The following RABGAP1L variants were observed in gnomAD, a reference collection of about 807,000 sequenced individuals.
The protein encoded by RABGAP1L is RAB GTPase activating protein 1 like, also known as rab GTPase-activating protein 1-like.
Under a neutral mutation model 137.7 loss-of-function variants are expected in RABGAP1L, and 63 were observed. The observed-to-expected ratio is 0.46, with a 90% CI of 0.37 to 0.56. The LOEUF is 0.56. Ranked by LOEUF, RABGAP1L falls within the 20% of genes least tolerant of loss-of-function variation. RABGAP1L has a pLI of 0.00. For synonymous variants in RABGAP1L, 431 were observed against 433.7 expected (o/e 0.99, Z 0.08); for missense variants, 1,095 against 1,244.0 (o/e 0.88, Z 1.80).
intron 13 of RABGAP1L, among the ~76,000 whole-genome samples, chr1:174,461,567 A>G (rs1394078951): frequency 1.3e-5 from 2 of 152,154 alleles, no homozygotes; most frequent in Non-Finnish European, 2.9e-5. Flanking sequence ...TGCTCTCTGT[A>G]TAGTAAGTCA....
chr1:174,543,541 T>C (rs907148100), intron 13 of RABGAP1L, among the ~76,000 whole-genome samples: 19 of 152,240 alleles, frequency 1.2e-4, no homozygotes, highest in Non-Finnish European at 2.9e-5. Flanking sequence ...TTCTTGACTC[T>C]TTATCCAATT....
chr1:174,341,997 A>C (rs7549724), intron 11 of RABGAP1L, among the ~76,000 whole-genome samples: 11,124 of 152,210 alleles, frequency 0.073, 600 homozygotes, highest in East Asian at 0.32. Flanking sequence ...TTTCATAGAA[A>C]TTTGACTTAA....
At chr1:174,431,060 A>G (rs1652575011) in intron 13 of RABGAP1L, among the ~76,000 whole-genome samples, 1 of 152,166 alleles carries the variant, frequency 6.6e-6, no homozygotes, top group African/African-American at 2.4e-5. Context: ...CTTTTATAAG[A>G]GAAAATTTTC....
chr1:174,723,913 T>C (rs974370404), intron 17 of RABGAP1L, among the ~76,000 whole-genome samples: 1 of 152,210 alleles, frequency 6.6e-6, no homozygotes, highest in Non-Finnish European at 1.5e-5. Flanking sequence ...ATGGTGAAAT[T>C]GATGTTTGAG....
At chr1:174,499,615 G>A (rs1221346842) in intron 13 of RABGAP1L, among the ~76,000 whole-genome samples, 6 of 152,154 alleles carry the variant, frequency 3.9e-5, no homozygotes, top group Non-Finnish European at 8.8e-5. Context: ...ACCATTCCGA[G>A]CCTCAGTTTC....
intron 8 of RABGAP1L, among the ~76,000 whole-genome samples, chr1:174,274,392 C>G (rs1674796969): frequency 6.6e-6 from 1 of 152,076 alleles, no homozygotes; most frequent in African/African-American, 2.4e-5. Flanking sequence ...TGTACCTTTT[C>G]TGTGTTTAGG....
chr1:174,729,859 A>AC (rs1480658302), intron 17 of RABGAP1L, among the ~76,000 whole-genome samples: 1 of 152,224 alleles, frequency 6.6e-6, no homozygotes, highest in African/African-American at 2.4e-5. Context: ...AAACACTTAT[A>AC]CACTGTTGGT....
At chr1:174,325,914 C>G (rs1680398555) in intron 11 of RABGAP1L, among the ~76,000 whole-genome samples, 1 of 152,250 alleles carries the variant, frequency 6.6e-6, no homozygotes, top group Admixed American at 6.5e-5. Flanking sequence ...CTGACTGGCT[C>G]TCCCACATGG....
chr1:174,188,268 G>A (rs145132313), intron 1 of RABGAP1L, among the ~76,000 whole-genome samples: 9 of 152,136 alleles, frequency 5.9e-5, no homozygotes, highest in East Asian at 5.8e-4. Context: ...TAAAATTCTC[G>A]TGCTGAAATG....
At chr1:174,462,157 T>C (rs1656764597) in intron 13 of RABGAP1L, among the ~76,000 whole-genome samples, 1 of 152,156 alleles carries the variant, frequency 6.6e-6, no homozygotes, top group Non-Finnish European at 1.5e-5. Context: ...TTAATGGTGC[T>C]CAGGGCTGAA....
chr1:174,681,631 C>T (rs1678072973), intron 14 of RABGAP1L, among the ~76,000 whole-genome samples: 1 of 152,162 alleles, frequency 6.6e-6, no homozygotes, highest in Non-Finnish European at 1.5e-5. Context: ...GGCAGGGCTA[C>T]ATAAATGCCC....
intron 18 of RABGAP1L, among the ~76,000 whole-genome samples, chr1:174,777,189 A>T (rs965946957): frequency 3.9e-5 from 6 of 152,252 alleles, no homozygotes; most frequent in Non-Finnish European, 7.4e-5. Flanking sequence ...TTAAATAAGA[A>T]TTTTTTTTCT....
chr1:174,186,696 T>C (rs1055096840), intron 1 of RABGAP1L, among the ~76,000 whole-genome samples: 3 of 152,234 alleles, frequency 2.0e-5, no homozygotes, highest in Admixed American at 6.5e-5. Context: ...AGGGAGAGAA[T>C]GTGATCAGAT....
At chr1:174,778,761 A>AT (rs1686731264) in intron 18 of RABGAP1L, among the ~76,000 whole-genome samples, 2 of 151,760 alleles carry the variant, frequency 1.3e-5, no homozygotes, top group African/African-American at 2.4e-5. Flanking sequence ...TGCCCGGCTA[A>AT]TTTTTTGTAT....
Position 174,991,547 on chromosome 1 carries a change from A to C in RABGAP1L, c.*1546A>C, listed in dbSNP as rs1322579442. 1 of 152,218 alleles carries C rather than the reference A, an allele frequency of 6.6e-6. No homozygotes were observed. Among genetic ancestry groups the C allele is most frequent in the Non-Finnish European group, 1.5e-5 (1 of 68,046 alleles). The allele number at this position is 152,218 out of a possible 1,614,324, so 9.4% of individuals were successfully genotyped here. A position where few individuals can be genotyped will look rare whatever the true frequency, so the allele number is the denominator to read the frequency against. On this transcript the variant is annotated 3_prime_UTR_variant, in exon 26 of 26. Coordinates refer to ENST00000681986, the MANE Select transcript of RABGAP1L (RefSeq NM_001366446.1). ...CTCTAAAATGATCTTTTATGTTCTA[A>C]AAAGTGAAATCCCCTTTATCTGTGT...
intron 17 of RABGAP1L, among the ~76,000 whole-genome samples, chr1:174,711,067 A>G (rs913940908): frequency 1.3e-5 from 2 of 152,220 alleles, no homozygotes; most frequent in African/African-American, 4.8e-5. Flanking sequence ...TGCTGGCCCA[A>G]ACACAGCTTA....
chr1:174,890,458 G>C (rs1655940632), intron 19 of RABGAP1L, among the ~76,000 whole-genome samples: 1 of 152,182 alleles, frequency 6.6e-6, no homozygotes, highest in Admixed American at 6.5e-5. Flanking sequence ...TTGAATAAAG[G>C]AATGGTGGAG....
intron 1 of RABGAP1L, among the ~76,000 whole-genome samples, chr1:174,208,800 A>G (rs560743134): frequency 3.9e-5 from 6 of 152,312 alleles, no homozygotes; most frequent in East Asian, 1.9e-4. Flanking sequence ...CTCTGCTTCT[A>G]TATTCTGGAA....
intron 14 of RABGAP1L, among the ~76,000 whole-genome samples, chr1:174,678,407 C>T (rs771100957): frequency 7.2e-5 from 11 of 151,770 alleles, no homozygotes; most frequent in African/African-American, 2.7e-4. Flanking sequence ...TCAGGCATTA[C>T]CAAAGAAGTT....
Sources: allele counts gnomAD v4.1 joint callset (sites outside exome capture counted in the v4.1 genomes callset), GRCh38; gene constraint gnomAD v4.1.1; transcripts MANE v1.5; gene names NCBI Gene and HGNC (gene_info 2026-07-23, HGNC 2026-07-21).